XRN1: variants seen among roughly 807,000 people sequenced by gnomAD.
The protein encoded by XRN1 is 5'-3' exoribonuclease 1.
A neutral mutation model predicts 222.3 loss-of-function variants in XRN1; 67 were observed. The observed-to-expected ratio is 0.30, with a 90% CI of 0.25 to 0.37. The LOEUF (loss-of-function observed/expected upper bound fraction) is 0.37, where lower values mean the gene tolerates loss of function less well. Ranked by LOEUF, XRN1 falls within the 10% of genes least tolerant of loss-of-function variation. The pLI is 1.00. For synonymous variants in XRN1, 643 were observed against 652.4 expected (o/e 0.99, Z 0.22); for missense variants, 1,707 against 2,000.2 (o/e 0.85, Z 2.80).
At chr3:142,442,414 A>G (rs896486374) in intron 1 of XRN1, among the ~76,000 whole-genome samples, 1 of 152,210 alleles carries the variant, frequency 6.6e-6, no homozygotes, top group African/African-American at 2.4e-5. Context: ...GTATGGGGTA[A>G]TCCCCTCCAG....
chr3:142,425,912 C>CT (rs1407365612), intron 3 of XRN1, among the ~76,000 whole-genome samples: 10 of 151,304 alleles, frequency 6.6e-5, no homozygotes, highest in African/African-American at 2.4e-4. Flanking sequence ...TTTTTTAAGG[C>CT]TTGCAGCTTA....
At chr3:142,335,346 A>G (rs1451362568) in intron 34 of XRN1, 102 bp downstream of exon 34, 3 of 1,113,626 alleles carry the variant, frequency 2.7e-6, no homozygotes, top group Non-Finnish European at 4.1e-6. Flanking sequence ...CACACACCTT[A>G]TAAATTTGGT....
intron 22 of XRN1, among the ~76,000 whole-genome samples, 159 bp from the exon 23 acceptor site, chr3:142,380,339 C>T (rs1198785012): frequency 6.6e-6 from 1 of 152,130 alleles, no homozygotes; most frequent in African/African-American, 2.4e-5. Context: ...AAATTTGAGT[C>T]ACTGTATCGT....
chr3:142,362,396 A>G (rs1257575417), intron 29 of XRN1, among the ~76,000 whole-genome samples: 1 of 152,068 alleles, frequency 6.6e-6, no homozygotes, highest in Non-Finnish European at 1.5e-5. Flanking sequence ...TTGGCTTCCC[A>G]AAGTGCTGGG....
chr3:142,344,195 A>G (rs1387613553), intron 33 of XRN1, among the ~76,000 whole-genome samples: 3 of 152,158 alleles, frequency 2.0e-5, no homozygotes, highest in Admixed American at 2.0e-4. Flanking sequence ...TATAATAAAA[A>G]TAATTGTATA....
intron 33 of XRN1, among the ~76,000 whole-genome samples, chr3:142,340,032 GA>G (rs1248162068): frequency 6.6e-6 from 1 of 151,972 alleles, no homozygotes; most frequent in Non-Finnish European, 1.5e-5. Flanking sequence ...TTAAGCAGAA[GA>G]AAGAATCAGT....
chr3:142,331,456 ATAATAT>A (rs2065694321), intron 36 of XRN1, among the ~76,000 whole-genome samples: 1 of 152,330 alleles, frequency 6.6e-6, no homozygotes, highest in Admixed American at 6.5e-5. Context: ...TTATTTTAAC[ATAATAT>A]TAATATCAAT....
At chr3:142,419,677 C>T (rs952351538) in intron 10 of XRN1, among the ~76,000 whole-genome samples, 4 of 152,036 alleles carry the variant, frequency 2.6e-5, no homozygotes, top group South Asian at 2.1e-4. Context: ...GGTGGTGGCG[C>T]GCACCTCTAA....
intron 20 of XRN1, among the ~76,000 whole-genome samples, chr3:142,390,203 T>C (rs1006455672): frequency 6.6e-6 from 1 of 152,244 alleles, no homozygotes; most frequent in Non-Finnish European, 1.5e-5. Flanking sequence ...CAACTTAAAG[T>C]AACCAGTTGC....
intron 20 of XRN1, among the ~76,000 whole-genome samples, chr3:142,390,109 G>T (rs1015907002): frequency 2.0e-5 from 3 of 152,204 alleles, no homozygotes; most frequent in South Asian, 4.1e-4. Flanking sequence ...AGACTTCGCT[G>T]TTCCATTTAT....
intron 34 of XRN1, among the ~76,000 whole-genome samples, chr3:142,335,190 T>C (rs1489660356): frequency 3.2e-4 from 48 of 152,104 alleles, no homozygotes; most frequent in Non-Finnish European, 1.5e-5. Context: ...ATTGAGGCTG[T>C]GAGAGGTAAA....
intron 32 of XRN1, among the ~76,000 whole-genome samples, chr3:142,351,524 G>T (rs1366053262): frequency 1.3e-5 from 2 of 152,126 alleles, no homozygotes; most frequent in South Asian, 2.1e-4. Flanking sequence ...AAGAGAGAAG[G>T]GGGGAGAGAG....
At chr3:142,348,696 T>C (rs1397287566) in intron 32 of XRN1, among the ~76,000 whole-genome samples, 1 of 152,166 alleles carries the variant, frequency 6.6e-6, no homozygotes, top group Non-Finnish European at 1.5e-5. Context: ...TCCTAACTGG[T>C]AGTGGGCATG....
chr3:142,395,905 T>G (rs1444361243), intron 20 of XRN1, among the ~76,000 whole-genome samples: 3 of 152,170 alleles, frequency 2.0e-5, no homozygotes, highest in Non-Finnish European at 4.4e-5. Flanking sequence ...TCCTTTTCAT[T>G]CCTTGCCTAA....
intron 1 of XRN1, among the ~76,000 whole-genome samples, chr3:142,445,239 C>T (rs1012930123): frequency 6.6e-6 from 1 of 151,920 alleles, no homozygotes; most frequent in Admixed American, 6.6e-5. Flanking sequence ...TCATCTCATT[C>T]TCACATTTTC....
chr3:142,365,693 A>G (rs2066793223), intron 27 of XRN1, among the ~76,000 whole-genome samples: 1 of 152,156 alleles, frequency 6.6e-6, no homozygotes, highest in Non-Finnish European at 1.5e-5. Flanking sequence ...AAGAAACAAC[A>G]TTGCTAAGCA....
chr3:142,442,955 A>C (rs534025341), intron 1 of XRN1, among the ~76,000 whole-genome samples: 1 of 151,972 alleles, frequency 6.6e-6, no homozygotes, highest in Non-Finnish European at 1.5e-5. Flanking sequence ...GGATGGTCTC[A>C]ATCTCCTGAC....
At chr3:142,315,090 A>G (rs1205320106) in intron 39 of XRN1, among the ~76,000 whole-genome samples, 2 of 150,844 alleles carry the variant, frequency 1.3e-5, no homozygotes, top group Non-Finnish European at 2.9e-5. Context: ...ACATGGCACC[A>G]CACTCAGCTA....
At chr3:142,357,413 T>C (rs1431222289) in intron 30 of XRN1, among the ~76,000 whole-genome samples, 3 of 150,760 alleles carry the variant, frequency 2.0e-5, no homozygotes, top group Non-Finnish European at 4.4e-5. Context: ...TGAATACAAC[T>C]GAAAATTTAT....
Sources: allele counts gnomAD v4.1 joint callset (sites outside exome capture counted in the v4.1 genomes callset), GRCh38; gene constraint gnomAD v4.1.1; transcripts MANE v1.5; gene names NCBI Gene and HGNC (gene_info 2026-07-23, HGNC 2026-07-21).